SLC30A8: variants seen among roughly 807,000 people sequenced by gnomAD.
The protein encoded by SLC30A8 is solute carrier family 30 member 8, also known as proton-coupled zinc antiporter SLC30A8.
In SLC30A8, 27 loss-of-function variants were observed where a neutral mutation model predicts 36.9. The observed-to-expected ratio is 0.73, with a 90% CI of 0.54 to 1.01. The LOEUF (loss-of-function observed/expected upper bound fraction) is 1.01. SLC30A8 is among the 50% of genes least tolerant of loss of function. The pLI, the probability that SLC30A8 is intolerant of heterozygous loss-of-function variation, is 0.00. For missense variants in SLC30A8, 439 were observed against 452.0 expected, an observed-to-expected ratio of 0.97 and a Z score of 0.26; for synonymous variants, 164 against 172.4, an observed-to-expected ratio of 0.95 and a Z score of 0.38.
chr8:117,094,983 C>A (rs574887306), intron 2 of SLC30A8, among the ~76,000 whole-genome samples: 1 of 152,356 alleles, frequency 6.6e-6, no homozygotes, highest in African/African-American at 2.4e-5. Flanking sequence ...CCCAACCTTG[C>A]TCCAAGATTG....
At chr8:117,097,411 A>AT (rs1207550287) in intron 2 of SLC30A8, among the ~76,000 whole-genome samples, 201 of 125,210 alleles carry the variant, frequency 1.6e-3, no homozygotes, top group South Asian at 2.5e-3. Context: ...AAAAAAAAAA[A>AT]AAAAAAAATA....
At chr8:116,953,698 C>G (rs529768940) in intron 1 of SLC30A8, among the ~76,000 whole-genome samples, 1 of 152,172 alleles carries the variant, frequency 6.6e-6, no homozygotes, top group Admixed American at 6.5e-5. Flanking sequence ...CTGACTTTCC[C>G]TGCTCTGCTG....
At chr8:117,041,958 A>G (rs1817402205) in intron 2 of SLC30A8, among the ~76,000 whole-genome samples, 1 of 152,214 alleles carries the variant, frequency 6.6e-6, no homozygotes, top group African/African-American at 2.4e-5. Context: ...GTTCTACGCC[A>G]TGAATAAATG....
intron 1 of SLC30A8, among the ~76,000 whole-genome samples, chr8:116,975,274 A>G (rs1400319582): frequency 6.6e-6 from 1 of 152,202 alleles, no homozygotes; most frequent in African/African-American, 2.4e-5. Flanking sequence ...GCAGAGCTAC[A>G]CTGCCAGCTT....
intron 1 of SLC30A8, among the ~76,000 whole-genome samples, chr8:116,958,418 T>C (rs1814295900): frequency 6.6e-6 from 1 of 152,162 alleles, no homozygotes; most frequent in South Asian, 2.1e-4. Flanking sequence ...TTTTTACTTC[T>C]TTTTGTTTTT....
upstream of SLC30A8, among the ~76,000 whole-genome samples, chr8:117,130,757 A>C (rs1821099817): frequency 6.6e-6 from 1 of 151,994 alleles, no homozygotes; most frequent in Non-Finnish European, 1.5e-5. Context: ...GGAGTTTGTA[A>C]GAAATAACAA....
intron 2 of SLC30A8, among the ~76,000 whole-genome samples, chr8:117,126,499 T>C (rs552391514): frequency 6.6e-6 from 1 of 152,114 alleles, no homozygotes; most frequent in East Asian, 1.9e-4. Context: ...AATCACTCAC[T>C]ATGTAATGGC....
At chr8:117,167,988 A>C (rs1014413782) in intron 6 of SLC30A8, among the ~76,000 whole-genome samples, 5 of 152,132 alleles carry the variant, frequency 3.3e-5, no homozygotes, top group African/African-American at 4.8e-5. Context: ...CTTACATAGC[A>C]GCAGGCAAGA....
chr8:117,081,372 G>T (rs958757506), intron 2 of SLC30A8, among the ~76,000 whole-genome samples: 3 of 152,152 alleles, frequency 2.0e-5, no homozygotes, highest in Non-Finnish European at 4.4e-5. Context: ...CTTGCAGATG[G>T]CCGTCTTCTC....
intron 1 of SLC30A8, among the ~76,000 whole-genome samples, chr8:117,000,053 A>G (rs1021998801): frequency 6.6e-6 from 1 of 152,202 alleles, no homozygotes; most frequent in Non-Finnish European, 1.5e-5. Context: ...TTCCACTTAC[A>G]GTAGAAGGAG....
At chr8:117,047,864 C>T (rs1002006437) in intron 2 of SLC30A8, among the ~76,000 whole-genome samples, 2 of 152,192 alleles carry the variant, frequency 1.3e-5, no homozygotes, top group Non-Finnish European at 2.9e-5. Context: ...CCCACCAAAA[C>T]CAAGATGGTG....
intron 1 of SLC30A8, among the ~76,000 whole-genome samples, chr8:117,144,773 C>T (rs549127453): frequency 1.3e-5 from 2 of 152,184 alleles, no homozygotes; most frequent in Admixed American, 6.5e-5. Context: ...TCCATTCTAG[C>T]GCTTCCCCAC....
chr8:117,150,807 G>A (rs898154962), intron 2 of SLC30A8, among the ~76,000 whole-genome samples: 19 of 152,030 alleles, frequency 1.2e-4, no homozygotes, highest in African/African-American at 3.9e-4. Flanking sequence ...GGGTTTCACC[G>A]TGTTAGCCAG....
chr8:116,997,844 C>T (rs1301896483), intron 1 of SLC30A8, among the ~76,000 whole-genome samples: 1 of 152,108 alleles, frequency 6.6e-6, no homozygotes, highest in Non-Finnish European at 1.5e-5. Flanking sequence ...GTGCCAGATA[C>T]TGGGAGTATA....
At chr8:117,145,738 C>G (rs970274476) in intron 1 of SLC30A8, among the ~76,000 whole-genome samples, 1 of 152,142 alleles carries the variant, frequency 6.6e-6, no homozygotes, top group Non-Finnish European at 1.5e-5. Context: ...AGAAGAAACA[C>G]TGAGCTTGGG....
chr8:117,132,584 T>C (rs955319736), upstream of SLC30A8, among the ~76,000 whole-genome samples: 4 of 151,996 alleles, frequency 2.6e-5, no homozygotes, highest in African/African-American at 9.7e-5. Context: ...CTACAGGGGA[T>C]GGGATTTTCC....
rs2466295 is a variant in SLC30A8, at chr8:117,172,802, C to T, written c.*121C>T. 0.62 allele frequency: 700,335 copies of T among 1,127,406 alleles called. 223,955 individuals are homozygous for T. The highest frequency in any genetic ancestry group is 0.83 in the East Asian group (35,094 of 42,268). The allele number at this position is 1,127,406 out of a possible 1,614,324, so 69.8% of individuals were successfully genotyped here. On this transcript the variant is annotated 3_prime_UTR_variant, in exon 8 of 8. Transcript: ENST00000456015. ...GAAATTCATGTCATGGTGCAATGCACATTTTATCTATTTATTTAGTTCCAT... is the reference window on the plus strand; with the variant it reads ...GAAATTCATGTCATGGTGCAATGCATATTTTATCTATTTATTTAGTTCCAT...
intron 1 of SLC30A8, among the ~76,000 whole-genome samples, chr8:117,001,425 C>T (rs1334537555): frequency 1.3e-5 from 2 of 152,112 alleles, no homozygotes; most frequent in Non-Finnish European, 2.9e-5. Context: ...GACTATCTCT[C>T]TTCTCAGTTA....
intron 1 of SLC30A8, among the ~76,000 whole-genome samples, chr8:116,988,501 C>G (rs1815526451): frequency 6.6e-6 from 1 of 152,116 alleles, no homozygotes; most frequent in Non-Finnish European, 1.5e-5. Context: ...TGCTTTGGCC[C>G]CGTTCACATA....
Sources: allele counts gnomAD v4.1 joint callset (sites outside exome capture counted in the v4.1 genomes callset), GRCh38; gene constraint gnomAD v4.1.1; transcripts MANE v1.5; gene names NCBI Gene and HGNC (gene_info 2026-07-23, HGNC 2026-07-21).